DCLK1: variants seen among roughly 807,000 people sequenced by gnomAD.
The protein encoded by DCLK1 is doublecortin like kinase 1, also known as serine/threonine-protein kinase DCLK1.
A neutral mutation model predicts 86.2 loss-of-function variants in DCLK1; 16 were observed. The ratio of observed to expected loss-of-function variants is 0.19; its 90% confidence interval spans 0.13 to 0.28. The LOEUF is 0.28. DCLK1 is among the 10% of genes least tolerant of loss of function. DCLK1 has a pLI of 1.00. For synonymous variants in DCLK1, 369 were observed against 370.5 expected (o/e 1.00, Z 0.05); for missense variants, 590 against 940.2 (o/e 0.63, Z 4.87).
chr13:35,803,390 C>T (rs1441714171), intron 15 of DCLK1, among the ~76,000 whole-genome samples: 3 of 152,136 alleles, frequency 2.0e-5, no homozygotes, highest in Non-Finnish European at 4.4e-5. Context: ...GCTGTACAGC[C>T]CCCTGTCCCT....
intron 4 of DCLK1, among the ~76,000 whole-genome samples, chr13:35,896,875 T>C (rs1874033772): frequency 6.6e-6 from 1 of 152,116 alleles, no homozygotes. Context: ...AAAACGGACA[T>C]TTAACCCATC....
At chr13:35,886,105 G>A (rs550040853) in intron 4 of DCLK1, among the ~76,000 whole-genome samples, 2 of 148,440 alleles carry the variant, frequency 1.3e-5, no homozygotes, top group South Asian at 2.1e-4. Context: ...TCTGCCTCCC[G>A]GGTTCAAGCG....
At chr13:36,086,646 G>A (rs1007986490) in intron 3 of DCLK1, among the ~76,000 whole-genome samples, 10 of 151,880 alleles carry the variant, frequency 6.6e-5, no homozygotes, top group African/African-American at 2.4e-4. Flanking sequence ...AAAGGCCCTG[G>A]TGTGTGATGT....
chr13:36,048,212 G>A (rs369652609), intron 3 of DCLK1, among the ~76,000 whole-genome samples: 1 of 151,990 alleles, frequency 6.6e-6, no homozygotes, highest in Admixed American at 6.6e-5. Flanking sequence ...ATTTAGCATT[G>A]GATATATGCT....
intron 11 of DCLK1, among the ~76,000 whole-genome samples, chr13:35,817,651 C>A (rs2087301736): frequency 6.6e-6 from 1 of 152,124 alleles, no homozygotes. Context: ...AGTGGTACAT[C>A]CCTTCTCTGG....
intron 3 of DCLK1, among the ~76,000 whole-genome samples, chr13:36,095,187 T>G (rs7322282): frequency 0.39 from 44,850 of 115,610 alleles, 6,525 homozygotes; most frequent in East Asian, 0.59. Flanking sequence ...TTTTTTTTTG[T>G]TTTTTTTGTT....
chr13:36,057,116 G>A (rs2153158416), intron 3 of DCLK1, among the ~76,000 whole-genome samples: 1 of 152,024 alleles, frequency 6.6e-6, no homozygotes, highest in South Asian at 2.1e-4. Flanking sequence ...TTTTATTATA[G>A]TGTAAAAGTA....
chr13:35,944,599 A>G (rs1216045250), intron 4 of DCLK1, among the ~76,000 whole-genome samples: 2 of 152,240 alleles, frequency 1.3e-5, no homozygotes, highest in African/African-American at 4.8e-5. Flanking sequence ...CCAAGGAAGT[A>G]AAATCTCAAT....
chr13:35,886,309 C>T (rs984627357), intron 4 of DCLK1, among the ~76,000 whole-genome samples: 7 of 152,028 alleles, frequency 4.6e-5, no homozygotes, highest in East Asian at 1.9e-4. Flanking sequence ...CCATGCCCGG[C>T]GAATAGGTTC....
In DCLK1 at chr13:36,115,479, C is replaced by T. The variant is rs1885752759; in HGVS notation, c.377-3264G>A. On this transcript the variant is annotated intron_variant, in intron 2 of 16. Transcript: ENST00000360631. ...CTCTTAGCGGTGGTACTAGAAATTG[C>T]AAACATCATGATTTTCTGGTTGGTT... is the stretch of plus-strand genomic sequence containing the variant. Among the ~76,000 whole-genome samples the T allele has an allele frequency of 3.9e-5, 6 of 152,212 alleles. No individual in the cohort carries two copies. In the South Asian group the frequency reaches 1.2e-3, roughly 32 times the overall value.
intron 4 of DCLK1, among the ~76,000 whole-genome samples, chr13:35,881,444 A>G (rs1482738573): frequency 6.6e-6 from 1 of 152,024 alleles, no homozygotes; most frequent in Non-Finnish European, 1.5e-5. Flanking sequence ...TTTCTTCTCT[A>G]AAGCACTCCT....
chr13:35,940,244 A>C, intron 4 of DCLK1, among the ~76,000 whole-genome samples: 1 of 146,600 alleles, frequency 6.8e-6, no homozygotes, highest in Non-Finnish European at 1.5e-5. Flanking sequence ...ATAAGTTAGT[A>C]TGAAGGGTCA....
intron 3 of DCLK1, among the ~76,000 whole-genome samples, chr13:35,953,979 A>G (rs1392850835): frequency 6.6e-6 from 1 of 152,218 alleles, no homozygotes; most frequent in East Asian, 1.9e-4. Context: ...TTTAAATAAT[A>G]TATTTTAAGC....
chr13:35,898,978 T>C (rs1874177733), intron 4 of DCLK1, among the ~76,000 whole-genome samples: 1 of 152,202 alleles, frequency 6.6e-6, no homozygotes, highest in East Asian at 1.9e-4. Flanking sequence ...CGGGCTCAAG[T>C]GATCTGCCCT....
At position 35,771,897 on chromosome 13, in the gene DCLK1, T is replaced by C. The variant is rs2153096422; in HGVS notation, c.*2638A>G. ...TTAAAGAACACCACCACTTAATTAT[T>C]TCAAACTTGAACTATCCCAAGAATG... On this transcript the variant is annotated 3_prime_UTR_variant, in exon 17 of 17. Transcript: ENST00000360631. The C allele has an allele frequency of 6.6e-6, 1 of 152,226 alleles. No homozygotes were observed. Among genetic ancestry groups the C allele is most frequent in the East Asian group, 1.9e-4 (1 of 5,196 alleles). The allele number at this position is 152,226 out of a possible 1,614,324, so 9.4% of individuals were successfully genotyped here. A position where few individuals can be genotyped will look rare whatever the true frequency, so the allele number is the denominator to read the frequency against.
At chr13:35,950,884 C>G (rs914216601) in intron 3 of DCLK1, among the ~76,000 whole-genome samples, 10 of 152,050 alleles carry the variant, frequency 6.6e-5, no homozygotes, top group Non-Finnish European at 1.2e-4. Flanking sequence ...AACTTTCAAA[C>G]CCAGGCCTTT....
chr13:35,942,498 TA>T (rs1340175323), intron 4 of DCLK1, among the ~76,000 whole-genome samples: 1 of 152,178 alleles, frequency 6.6e-6, no homozygotes, highest in Non-Finnish European at 1.5e-5. Flanking sequence ...AGGACACTTC[TA>T]ACTATGCTAA....
intron 4 of DCLK1, among the ~76,000 whole-genome samples, chr13:35,881,510 C>T (rs1157279648): frequency 2.6e-5 from 4 of 152,182 alleles, no homozygotes; most frequent in African/African-American, 9.7e-5. Flanking sequence ...TGGCTGACTC[C>T]TTGCTATAGC....
At position 35,926,414 on chromosome 13, in the gene DCLK1, C is replaced by T. The variant is rs182310169; in HGVS notation, c.823+20944G>A. On this transcript the variant is annotated intron_variant, in intron 4 of 16. Transcript: ENST00000360631. ...AGGAGTCTTATTCCACTCAACAGTG[C>T]GCCACATGCTGGAATTTCTAAGCTT... Among the ~76,000 whole-genome samples, 15 of 152,276 alleles carry T rather than the reference C, an allele frequency of 9.9e-5. No homozygotes were observed. The East Asian group carries it at 1.4e-3, about 14-fold the overall frequency.
Sources: gnomAD v4.1 joint callset for allele counts (sites outside exome capture counted in the v4.1 genomes callset) on GRCh38, gnomAD v4.1.1 for gene constraint, MANE v1.5 for transcripts, NCBI Gene and HGNC (gene_info 2026-07-23, HGNC 2026-07-21) for gene names.